The following GPR158 variants were observed in gnomAD, a reference collection of about 807,000 sequenced individuals.
GPR158 encodes G protein-coupled receptor 158, also known as metabotropic glycine receptor.
Under a neutral mutation model 78.2 loss-of-function variants are expected in GPR158, and 30 were observed. That is an observed-to-expected ratio of 0.38 (90% confidence interval 0.29 to 0.52). GPR158 has a LOEUF of 0.52. Ranked by LOEUF, GPR158 falls within the 20% of genes least tolerant of loss-of-function variation. The pLI is 0.83. For missense variants in GPR158, 1,463 were observed against 1,523.5 expected (o/e 0.96, Z 0.66); for synonymous variants, 581 against 591.1 (o/e 0.98, Z 0.25).
intron 4 of GPR158, among the ~76,000 whole-genome samples, chr10:25,415,671 TA>T (rs1834648785): frequency 6.6e-6 from 1 of 152,120 alleles, no homozygotes; most frequent in Non-Finnish European, 1.5e-5. Context: ...ACTGAAAACA[TA>T]TGTCTACAAA....
intron 4 of GPR158, among the ~76,000 whole-genome samples, chr10:25,437,078 G>A (rs745614332): frequency 3.9e-5 from 6 of 152,118 alleles, no homozygotes; most frequent in African/African-American, 7.2e-5. Flanking sequence ...AGCTTATCAC[G>A]GTAACTTTGC....
intron 4 of GPR158, among the ~76,000 whole-genome samples, chr10:25,430,596 A>G (rs978496864): frequency 3.3e-5 from 5 of 151,182 alleles, no homozygotes; most frequent in Non-Finnish European, 7.4e-5. Flanking sequence ...GCATCATGCT[A>G]CCTAACTTCA....
intron 2 of GPR158, among the ~76,000 whole-genome samples, chr10:25,245,111 A>G (rs1016798494): frequency 1.3e-5 from 2 of 152,194 alleles, no homozygotes; most frequent in African/African-American, 4.8e-5. Flanking sequence ...AATTTCGTCC[A>G]TTGCTCCTAG....
intron 4 of GPR158, among the ~76,000 whole-genome samples, chr10:25,440,738 A>G (rs1835056676): frequency 1.3e-5 from 2 of 152,192 alleles, no homozygotes; most frequent in South Asian, 2.1e-4. Flanking sequence ...CTGCTGATTC[A>G]TTTAACTTTC....
At chr10:25,266,190 G>A (rs912043862) in intron 2 of GPR158, among the ~76,000 whole-genome samples, 1 of 152,092 alleles carries the variant, frequency 6.6e-6, no homozygotes, top group African/African-American at 2.4e-5. Flanking sequence ...TTTGTTAGAG[G>A]TTTTCATAGA....
chr10:25,238,978 C>A (rs1853568089), intron 2 of GPR158, among the ~76,000 whole-genome samples: 1 of 152,110 alleles, frequency 6.6e-6, no homozygotes, highest in Non-Finnish European at 1.5e-5. Context: ...TCTAATGATA[C>A]CTTTAAATCA....
chr10:25,425,625 G>GA (rs1834810416), intron 4 of GPR158, among the ~76,000 whole-genome samples: 1 of 152,054 alleles, frequency 6.6e-6, no homozygotes, highest in South Asian at 2.1e-4. Flanking sequence ...TGGAGTGGGA[G>GA]AAAATCTTCA....
At chr10:25,483,405 T>G (rs1835685979) in intron 5 of GPR158, among the ~76,000 whole-genome samples, 1 of 152,064 alleles carries the variant, frequency 6.6e-6, no homozygotes, top group Non-Finnish European at 1.5e-5. Context: ...TAAAATATAT[T>G]CTTCTTGATG....
At chr10:25,418,214 A>G (rs549762360) in intron 4 of GPR158, among the ~76,000 whole-genome samples, 1 of 152,340 alleles carries the variant, frequency 6.6e-6, no homozygotes, top group African/African-American at 2.4e-5. Flanking sequence ...CTTCCAGGAA[A>G]GTCTAATTTT....
intron 2 of GPR158, among the ~76,000 whole-genome samples, chr10:25,283,306 A>G (rs559217019): frequency 1.3e-5 from 2 of 152,080 alleles, no homozygotes; most frequent in South Asian, 4.1e-4. Flanking sequence ...GTATTTTCTT[A>G]TTCTTTTAAT....
chr10:25,189,148 G>T (rs1852733216), intron 1 of GPR158, among the ~76,000 whole-genome samples: 1 of 152,198 alleles, frequency 6.6e-6, no homozygotes, highest in Admixed American at 6.5e-5. Flanking sequence ...GTGCTGGAGA[G>T]GATGTGGAGA....
intron 2 of GPR158, among the ~76,000 whole-genome samples, chr10:25,223,831 T>C (rs1853335269): frequency 6.6e-6 from 1 of 152,312 alleles, no homozygotes; most frequent in South Asian, 2.1e-4. Context: ...TTTATCTTGC[T>C]AATATTTAAC....
chr10:25,452,083 G>A (rs1412802791), intron 4 of GPR158, among the ~76,000 whole-genome samples: 1 of 152,008 alleles, frequency 6.6e-6, no homozygotes, highest in Non-Finnish European at 1.5e-5. Context: ...TGTCACCCAG[G>A]TTGAAGTGCA....
chr10:25,470,838 T>C (rs1440331796), intron 5 of GPR158, among the ~76,000 whole-genome samples: 1 of 152,190 alleles, frequency 6.6e-6, no homozygotes, highest in Non-Finnish European at 1.5e-5. Flanking sequence ...ATTATCTGAA[T>C]ATCTGTTGCT....
At chr10:25,374,663 C>T (rs7922328) in intron 2 of GPR158, among the ~76,000 whole-genome samples, 97,273 of 150,958 alleles carry the variant, frequency 0.64, 32,247 homozygotes, top group Non-Finnish European at 0.73. Context: ...AATATGCAAC[C>T]TTTTGAGACT....
intron 2 of GPR158, among the ~76,000 whole-genome samples, chr10:25,224,415 T>C (rs1420560291): frequency 6.6e-6 from 1 of 151,592 alleles, no homozygotes; most frequent in Non-Finnish European, 1.5e-5. Flanking sequence ...TTTTGTTATA[T>C]TTTTATGTTA....
intron 6 of GPR158, among the ~76,000 whole-genome samples, chr10:25,567,659 A>G (rs1043268059): frequency 2.0e-5 from 3 of 152,156 alleles, no homozygotes; most frequent in African/African-American, 7.2e-5. Context: ...ATCCAGAGGG[A>G]CCTGCAGAAC....
chr10:25,359,770 T>G (rs1434354307), intron 2 of GPR158, among the ~76,000 whole-genome samples: 1 of 152,232 alleles, frequency 6.6e-6, no homozygotes, highest in Non-Finnish European at 1.5e-5. Context: ...CCTTTGGGTA[T>G]ATACCCAGTA....
At chr10:25,219,036 G>A (rs1175149057) in intron 1 of GPR158, among the ~76,000 whole-genome samples, 2 of 152,162 alleles carry the variant, frequency 1.3e-5, no homozygotes, top group Non-Finnish European at 2.9e-5. Flanking sequence ...ATCAGTGAAA[G>A]AAAGTTATTT....
Sources: gnomAD v4.1 joint callset for allele counts (sites outside exome capture counted in the v4.1 genomes callset) on GRCh38, gnomAD v4.1.1 for gene constraint, MANE v1.5 for transcripts, NCBI Gene and HGNC (gene_info 2026-07-23, HGNC 2026-07-21) for gene names.